Variants in ZNF707 observed in about 807,000 individuals in gnomAD.
ZNF707 encodes zinc finger protein 707.
ZNF707 carries 8 observed loss-of-function variants against 13.3 expected under a neutral mutation model. The ratio of observed to expected loss-of-function variants is 0.60; its 90% CI spans 0.35 to 1.09. The LOEUF (loss-of-function observed/expected upper bound fraction) is 1.09, where lower values mean the gene tolerates loss of function less well. Ranked by LOEUF, ZNF707 falls within the 50% of genes least tolerant of loss-of-function variation. The probability of loss-of-function intolerance (pLI) is 0.02; values close to 1 mark genes in which losing one functional copy is unlikely to be tolerated. For synonymous variants in ZNF707, 225 were observed against 205.6 expected, an observed-to-expected ratio of 1.09 and a Z score of -0.81; for missense variants, 530 against 512.6, an observed-to-expected ratio of 1.03 and a Z score of -0.33.
At chr8:143,692,234 T>TA in intron 5 of ZNF707, 1 of 1,290,474 alleles carries the variant, frequency 7.7e-7, no homozygotes, top group Non-Finnish European at 1.0e-6. Flanking sequence ...GCTTTTTACT[T>TA]ACATTTTCAG....
At chr8:143,686,660 T>C (rs1816303328) in intron 1 of ZNF707, among the ~76,000 whole-genome samples, 1 of 152,088 alleles carries the variant, frequency 6.6e-6, no homozygotes, top group Non-Finnish European at 1.5e-5. Flanking sequence ...CCTTTGTGTC[T>C]CTTTTTAGAA....
intron 3 of ZNF707, 105 bp downstream of exon 3, chr8:143,690,228 T>C: frequency 6.9e-7 from 1 of 1,455,232 alleles, no homozygotes; most frequent in Non-Finnish European, 9.4e-7. Flanking sequence ...TCCCAGGCAC[T>C]GTGCCCGTGT....
At position 143,692,219 on chromosome 8, in the gene ZNF707, G is replaced by C. The variant is rs943837410; in HGVS notation, c.256+506G>C. 10 of 1,291,354 alleles carry C rather than the reference G, an allele frequency of 7.7e-6. No homozygotes were observed. In the South Asian group the frequency reaches 1.1e-4, roughly 14 times the overall value. The allele number at this position is 1,291,354 out of a possible 1,614,324, so 80.0% of individuals were successfully genotyped here. On this transcript the variant is annotated intron_variant, in intron 5 of 5. Transcript: ENST00000358656. ...TGCTCTTGGGGCAGTTGTCAGCAGG[G>C]TTTTGCTTTTTACTTACATTTTCAG... is the stretch of plus-strand genomic sequence containing the variant.
rs1318795088 is a variant in ZNF707 at position 143,693,755 on chromosome 8, C to A, written c.341C>A (p.Ala114Asp). 1 of 1,612,948 alleles carries A rather than the reference C, an allele frequency of 6.2e-7. No individual in the cohort carries two copies. The highest frequency in any genetic ancestry group is 8.5e-7 in the Non-Finnish European group (1 of 1,179,792). Residue 114 changes from alanine to aspartate, a missense_variant, in exon 6 of 6, where the codon GCC (alanine) becomes GAC (aspartate). By Grantham distance (126) the Ala-to-Asp change is moderately radical. Coordinates refer to ENST00000358656, the MANE Select transcript of ZNF707 (RefSeq NM_001100598.2). The surrounding 1 kb of genome is among the most constrained non-coding windows in gnomAD (Gnocchi z 4.1). ...HKKTHVRRER[A>D]REGSSFRKGF... ...AAAACCCACGTGCGGCGAGAAAGAGCCAGGGAAGGAAGCAGCTTTAGGAAG... is the reference window on the plus strand; with the variant it reads ...AAAACCCACGTGCGGCGAGAAAGAGACAGGGAAGGAAGCAGCTTTAGGAAG...
At chr8:143,691,977 G>T (rs1554613780) in intron 5 of ZNF707, 1 of 1,430,564 alleles carries the variant, frequency 7.0e-7, no homozygotes, top group South Asian at 1.2e-5. Flanking sequence ...TGAGGCTGGA[G>T]TGACACTTGA....
Position 143,694,087 on chromosome 8 carries a change from A to C in ZNF707, c.673A>C (p.Asn225His), listed in dbSNP as rs375370307. The C allele has an allele frequency of 6.2e-7, 1 of 1,607,170 alleles. No individual in the cohort carries two copies. Among genetic ancestry groups the C allele is most frequent in the Non-Finnish European group, 8.5e-7 (1 of 1,177,928 alleles). The change falls in exon 6 of 6, where the codon AAC (asparagine) becomes CAC (histidine). Residue 225 changes from asparagine (N) to histidine (H), a missense_variant. Coordinates refer to ENST00000358656, the MANE Select transcript of ZNF707 (RefSeq NM_001100598.2). This position sits in a 1 kb window ranked among gnomAD's most constrained non-coding sequence, Gnocchi z 4.4. ...WASNLQRHQK[N>H]HTREKPFCCE... is the part of the protein sequence containing the mutation. ...TTCAAACCTGCAGCGCCACCAGAAG[A>C]ACCACACGCGCGAGAAGCCCTTCTG...
chr8:143,691,105 C>T lies in ZNF707; in HGVS notation c.48C>T (p.Tyr16=). The stretch of plus-strand genomic sequence containing the variant: ...TGACCTTCAGGGACGTGGCCATCTA[C>T]TTCTCAAGGGAGGAGTGGGCGTGTC... ...EPVTFRDVAI[Y]FSREEWACLE... is the part of the protein sequence containing the mutation. Residue 16 remains tyrosine (Y), a synonymous_variant, in exon 4 of 6, where the codon TAC becomes TAT. Coordinates refer to ENST00000358656, the MANE Select transcript of ZNF707 (RefSeq NM_001100598.2). 1.2e-6 allele frequency: 2 copies of T among 1,613,928 alleles called. No homozygotes were observed. Among genetic ancestry groups the T allele is most frequent in the Non-Finnish European group, 1.7e-6 (2 of 1,179,858 alleles).
chr8:143,689,799 G>T (rs1816635953), intron 2 of ZNF707, among the ~76,000 whole-genome samples: 1 of 152,166 alleles, frequency 6.6e-6, no homozygotes, highest in Non-Finnish European at 1.5e-5. Context: ...GGCCTGGCTT[G>T]CTGTCTGGTA....
Position 143,693,990 on chromosome 8 carries a change from C to T in ZNF707, c.576C>T (p.Leu192=), listed in dbSNP as rs1554614483. Residue 192 remains leucine (L), a synonymous_variant, in exon 6 of 6, where the codon CTC becomes CTT. Transcript: ENST00000358656. The surrounding 1 kb of genome is among the most constrained non-coding windows in gnomAD (Gnocchi z 4.1). ...GKALSCHSRL[L]AHQTVHTGTK... ...CGCTCAGCTGCCACAGCCGGCTGCT[C>T]GCTCACCAGACGGTGCACACGGGAA... 8.1e-6 allele frequency: 13 copies of T among 1,602,972 alleles called. No individual in the cohort carries two copies. Among genetic ancestry groups the T allele is most frequent in the African/African-American group, 4.0e-5 (3 of 74,808 alleles).
chr8:143,689,570 T>C (rs1816608649), intron 2 of ZNF707, among the ~76,000 whole-genome samples: 1 of 152,180 alleles, frequency 6.6e-6, no homozygotes, highest in Non-Finnish European at 1.5e-5. Flanking sequence ...TTCTCGGGGC[T>C]GCACCAGGTT....
At position 143,693,798 on chromosome 8, in the gene ZNF707, G is replaced by A. The variant is rs782076032; in HGVS notation, c.384G>A (p.Thr128=). 3.1e-6 allele frequency: 5 copies of A among 1,612,804 alleles called. No homozygotes were observed. In the Admixed American group the frequency reaches 5.0e-5, roughly 16 times the overall value. ...SSFRKGFRLD[T]DDGQLPRAAP... ...TTAGGAAGGGCTTCAGGCTGGACAC[G>A]GATGACGGGCAGCTTCCCAGAGCTG... The change falls in exon 6 of 6, where the codon ACG becomes ACA. Residue 128 remains threonine (T), a synonymous_variant. Transcript: ENST00000358656. The surrounding 1 kb of genome is among the most constrained non-coding windows in gnomAD (Gnocchi z 4.1).
Position 143,691,214 on chromosome 8 carries a change from A to G in ZNF707, c.142+15A>G, listed in dbSNP as rs369459432. 7.5e-5 allele frequency: 120 copies of G among 1,603,776 alleles called. No individual in the cohort carries two copies. Among genetic ancestry groups the G allele is most frequent in the Middle Eastern group, 3.3e-4 (2 of 6,020 alleles). Reference sequence around the variant, plus strand: ...GGCTGCTCTGGGTGAGCACGGGCTGAGCGCAGCGTGAGCACAGGGTGAGTG... The same window carrying G: ...GGCTGCTCTGGGTGAGCACGGGCTGGGCGCAGCGTGAGCACAGGGTGAGTG... On this transcript the variant is annotated intron_variant, in intron 4 of 5. Transcript: ENST00000358656.
intron 1 of ZNF707, chr8:143,685,207 T>G (rs1485421418): frequency 6.6e-6 from 1 of 152,324 alleles, no homozygotes; most frequent in Non-Finnish European, 1.5e-5. Flanking sequence ...CTTTCTCATT[T>G]GTTCATCACA....
In ZNF707 at chr8:143,694,116, C is replaced by T. The variant is rs200134416; in HGVS notation, c.702C>T (p.Cys234=). ...ACACGCGCGAGAAGCCCTTCTGCTG[C>T]GAGGCCTGCGGGCAGGCGTTCAGCC... ...KNHTREKPFC[C]EACGQAFSLK... The change falls in exon 6 of 6, where the codon TGC becomes TGT. Residue 234 remains cysteine, a synonymous_variant. Transcript: ENST00000358656. The surrounding 1 kb of genome is among the most constrained non-coding windows in gnomAD (Gnocchi z 4.4). 9.2e-4 allele frequency: 1,474 copies of T among 1,601,334 alleles called. No homozygotes were observed. The highest frequency in any genetic ancestry group is 1.2e-3 in the Non-Finnish European group (1,374 of 1,174,286).
At chr8:143,692,943 A>T (rs1267714557) in intron 5 of ZNF707, among the ~76,000 whole-genome samples, 1 of 152,080 alleles carries the variant, frequency 6.6e-6, no homozygotes, top group East Asian at 1.9e-4. Flanking sequence ...AGTGGTTGAG[A>T]ATCAGGTGGA....
At chr8:143,691,956 T>G in intron 5 of ZNF707, 1 of 1,344,508 alleles carries the variant, frequency 7.4e-7, no homozygotes, top group South Asian at 1.3e-5. Context: ...CAGCTGCAGC[T>G]CGGAGGGGCC....
chr8:143,691,865 C>T lies in ZNF707; in HGVS notation c.256+152C>T, dbSNP rs903692179. The T allele has an allele frequency of 1.9e-5, 18 of 954,098 alleles. No homozygotes were observed. The African/African-American group carries it at 2.1e-4, about 11-fold the overall frequency. The allele number at this position is 954,098 out of a possible 1,614,324, so 59.1% of individuals were successfully genotyped here. A position where few individuals can be genotyped will look rare whatever the true frequency, so the allele number is the denominator to read the frequency against. Reference sequence around the variant, plus strand: ...CTCTAAATTAGACAGGCATTAGAGACGTAGGGGCAGCCACGCTCCTGCCCT... The same window carrying T: ...CTCTAAATTAGACAGGCATTAGAGATGTAGGGGCAGCCACGCTCCTGCCCT... On this transcript the variant is annotated intron_variant, in intron 5 of 5. Transcript: ENST00000358656.
intron 1 of ZNF707, among the ~76,000 whole-genome samples, chr8:143,686,668 G>GA (rs1218620771): frequency 6.6e-5 from 10 of 150,800 alleles, no homozygotes; most frequent in African/African-American, 1.7e-4. Context: ...TCTCTTTTTA[G>GA]AAAAAAAAAT....
intron 5 of ZNF707, chr8:143,692,192 GT>G: frequency 7.7e-7 from 1 of 1,293,256 alleles, no homozygotes; most frequent in Non-Finnish European, 1.0e-6. Context: ...TTAGGTGAGG[GT>G]TGCTCTTGGG....
Sources: allele counts gnomAD v4.1 joint callset (sites outside exome capture counted in the v4.1 genomes callset), GRCh38; gene constraint gnomAD v4.1.1; non-coding constraint Gnocchi (gnomAD v3.1); transcripts MANE v1.5; gene names NCBI Gene and HGNC (gene_info 2026-07-23, HGNC 2026-07-21).